BAZ2B: variants seen among roughly 807,000 people sequenced by gnomAD.
The protein encoded by BAZ2B is bromodomain adjacent to zinc finger domain protein 2B.
In BAZ2B, 91 loss-of-function variants were observed where a neutral mutation model predicts 246.0. That is an observed-to-expected ratio of 0.37 (90% confidence interval 0.31 to 0.44). BAZ2B has a LOEUF of 0.44. Among genes scored for constraint, BAZ2B ranks in the 20% least tolerant of loss-of-function variants. The probability of loss-of-function intolerance (pLI) is 1.00; values close to 1 mark genes in which losing one functional copy is unlikely to be tolerated. For synonymous variants in BAZ2B, 855 were observed against 860.0 expected, an observed-to-expected ratio of 0.99 and a Z score of 0.10; for missense variants, 2,332 against 2,533.7, an observed-to-expected ratio of 0.92 and a Z score of 1.71.
the BAZ2B span, among the ~76,000 whole-genome samples, chr2:159,672,830 T>G: frequency 6.6e-6 from 1 of 152,200 alleles, no homozygotes; most frequent in Non-Finnish European, 1.5e-5. Context: ...TATATCTGGA[T>G]CAATTCTGCA....
At chr2:159,380,713 G>T (rs2061900718) in intron 25 of BAZ2B, among the ~76,000 whole-genome samples, 1 of 152,134 alleles carries the variant, frequency 6.6e-6, no homozygotes, top group Non-Finnish European at 1.5e-5. Context: ...CACATGCTAT[G>T]CAGAGGGTAC....
chr2:159,691,994 C>T, the BAZ2B span, among the ~76,000 whole-genome samples: 4 of 152,118 alleles, frequency 2.6e-5, no homozygotes, highest in Non-Finnish European at 1.5e-5. Context: ...CATTTCTCTC[C>T]ACTGTGAATG....
At chr2:159,615,054 T>C (rs1695597252) in intron 1 of BAZ2B, among the ~76,000 whole-genome samples, 1 of 152,098 alleles carries the variant, frequency 6.6e-6, no homozygotes, top group East Asian at 1.9e-4. Context: ...TATTGTAATA[T>C]ACACAAAGGG....
intron 15 of BAZ2B, 28 bp from the exon 16 acceptor site, chr2:159,404,938 T>C: frequency 6.2e-7 from 1 of 1,612,268 alleles, no homozygotes; most frequent in Non-Finnish European, 8.5e-7. Flanking sequence ...ATAGATATCA[T>C]CAAAAAGGGA....
At chr2:159,553,392 C>CAAAAAAAAAAAAAAAAAAAAAAA (rs35253250) in intron 2 of BAZ2B, among the ~76,000 whole-genome samples, 1 of 73,810 alleles carries the variant, frequency 1.4e-5, no homozygotes, top group African/African-American at 5.4e-5. Context: ...GACTCTGTCT[C>CAAAAAAAAAAAAAAAAAAAAAAA]AAAAAAAAAA....
At chr2:159,335,344 C>T (rs111538478) in intron 33 of BAZ2B, among the ~76,000 whole-genome samples, 4 of 151,770 alleles carry the variant, frequency 2.6e-5, no homozygotes, top group South Asian at 4.2e-4. Context: ...TTCAGGAGTT[C>T]GAGACCAGCC....
chr2:159,561,325 G>A (rs1404691598), intron 1 of BAZ2B, among the ~76,000 whole-genome samples: 2 of 152,134 alleles, frequency 1.3e-5, no homozygotes, highest in African/African-American at 4.8e-5. Context: ...CTTTGGGTTT[G>A]GTCCCTCTCA....
chr2:159,338,191 G>A (rs1463361258), intron 31 of BAZ2B, among the ~76,000 whole-genome samples: 1 of 151,840 alleles, frequency 6.6e-6, no homozygotes, highest in Admixed American at 6.6e-5. Context: ...TGACTGCAGG[G>A]GCTTCAAATA....
chr2:159,669,430 T>G, the BAZ2B span, among the ~76,000 whole-genome samples: 1 of 152,212 alleles, frequency 6.6e-6, no homozygotes, highest in Non-Finnish European at 1.5e-5. Flanking sequence ...AGGTATAGTA[T>G]TCCAAATGTA....
chr2:159,316,184 G>C (rs536231337), downstream of BAZ2B, among the ~76,000 whole-genome samples: 2 of 152,286 alleles, frequency 1.3e-5, no homozygotes, highest in African/African-American at 4.8e-5. Context: ...AAGTAACACA[G>C]AGGGGCTTTG....
rs2069837219 is a variant in BAZ2B at position 159,426,237 on chromosome 2, A to G, written c.2466+1704T>C. On this transcript the variant is annotated intron_variant, in intron 13 of 36. Transcript: ENST00000392783. ...AAGGAACATTCTACTCTGTGTAATG[A>G]GGCTTTATAGATTAGGTCTAATTAT... 2.0e-5 allele frequency among the ~76,000 whole-genome samples: 3 copies of G among 152,306 alleles called. No individual in the cohort carries two copies. In the South Asian group the frequency reaches 6.2e-4, roughly 32 times the overall value.
chr2:159,500,269 T>G (rs548800533), intron 2 of BAZ2B, among the ~76,000 whole-genome samples: 7 of 152,216 alleles, frequency 4.6e-5, no homozygotes, highest in Non-Finnish European at 8.8e-5. Flanking sequence ...CTCTGTTAAA[T>G]AGGGAGTCCT....
At chr2:159,592,159 T>C (rs986664865) in intron 1 of BAZ2B, among the ~76,000 whole-genome samples, 2 of 151,768 alleles carry the variant, frequency 1.3e-5, no homozygotes, top group Non-Finnish European at 2.9e-5. Context: ...AAAAAAGAAA[T>C]AAACCCATCT....
At chr2:159,636,223 T>C in the BAZ2B span, among the ~76,000 whole-genome samples, 2 of 152,266 alleles carry the variant, frequency 1.3e-5, no homozygotes, top group Non-Finnish European at 1.5e-5. Flanking sequence ...AGGTGAGCAA[T>C]CACAGTACCT....
chr2:159,428,921 G>A (rs2150141189), intron 11 of BAZ2B, among the ~76,000 whole-genome samples: 1 of 152,130 alleles, frequency 6.6e-6, no homozygotes, highest in Non-Finnish European at 1.5e-5. Flanking sequence ...ATGTACTCCT[G>A]CCCTTTGCCA....
At chr2:159,393,896 G>A (rs1035779671) in intron 20 of BAZ2B, among the ~76,000 whole-genome samples, 2 of 152,104 alleles carry the variant, frequency 1.3e-5, no homozygotes, top group Admixed American at 1.3e-4. Context: ...CCAGGCCCTA[G>A]TGGGCAAATA....
intron 8 of BAZ2B, chr2:159,435,010 CAGA>C (rs1011426974): frequency 1.3e-5 from 2 of 151,690 alleles, no homozygotes; most frequent in African/African-American, 4.8e-5. Context: ...TTTGAGTTAA[CAGA>C]AGGAGCTGAA....
the BAZ2B span, among the ~76,000 whole-genome samples, chr2:159,662,212 T>C: frequency 6.6e-6 from 1 of 152,234 alleles, no homozygotes; most frequent in Admixed American, 6.5e-5. Flanking sequence ...ATTGGATAGA[T>C]TATACCACAA....
intron 6 of BAZ2B, chr2:159,444,568 T>C (rs774593707): frequency 7.2e-5 from 11 of 152,190 alleles, no homozygotes; most frequent in South Asian, 2.1e-4. Flanking sequence ...CCAGAAAATA[T>C]ATGGAGCTTG....
Sources: gnomAD v4.1 joint callset for allele counts (sites outside exome capture counted in the v4.1 genomes callset) on GRCh38, gnomAD v4.1.1 for gene constraint, MANE v1.5 for transcripts, NCBI Gene and HGNC (gene_info 2026-07-23, HGNC 2026-07-21) for gene names.